EPN2: variants seen among roughly 807,000 people sequenced by gnomAD.
The protein encoded by EPN2 is epsin 2.
Under a neutral mutation model 61.7 loss-of-function variants are expected in EPN2, and 34 were observed. The observed-to-expected ratio is 0.55, with a 90% CI of 0.42 to 0.73. The LOEUF is 0.73. Ranked by LOEUF, EPN2 falls within the 30% of genes least tolerant of loss-of-function variation. The pLI, the probability that EPN2 is intolerant of heterozygous loss-of-function variation, is 0.00. For synonymous variants in EPN2, 349 were observed against 353.6 expected (o/e 0.99, Z 0.15); for missense variants, 714 against 839.2 (o/e 0.85, Z 1.84).
intron 1 of EPN2, among the ~76,000 whole-genome samples, chr17:19,260,490 G>A (rs559552260): frequency 6.7e-4 from 102 of 152,172 alleles, no homozygotes; most frequent in Non-Finnish European, 1.2e-3. Context: ...CTCTTACACG[G>A]GTTGGTGGCG....
Position 19,276,200 on chromosome 17 carries a change from G to A in EPN2, c.-293-5755G>A, listed in dbSNP as rs541909292. Among the ~76,000 whole-genome samples the A allele has an allele frequency of 1.5e-3, 234 of 151,818 alleles. 1 individual carries two copies. The highest frequency in any genetic ancestry group is 5.7e-3 in the Admixed American group (86 of 15,220). On this transcript the variant is annotated intron_variant, in intron 1 of 10. Coordinates refer to ENST00000314728, the MANE Select transcript of EPN2 (RefSeq NM_014964.5). The stretch of plus-strand genomic sequence containing the variant: ...GGCCATTCTGTGGGCCTGCTCAGCC[G>A]TTTTTTTGAGACAAAGTTGCTCTTT...
chr17:19,265,645 G>GCT lies in EPN2; in HGVS notation c.-293-16298_-293-16297dup, dbSNP rs370986218. Reference sequence around the variant, plus strand: ...TGCATTCTTGTCCCCATCTTCCTCTGCTCTCTCTCTCTCCCTTATGCCTCT... The same window carrying GCT: ...TGCATTCTTGTCCCCATCTTCCTCTGCTCTCTCTCTCTCTCCCTTATGCCTCT... On this transcript the variant is annotated intron_variant, in intron 1 of 10. Transcript: ENST00000314728. 4.5e-3 allele frequency among the ~76,000 whole-genome samples: 683 copies of GCT among 151,740 alleles called. 4 individuals are homozygous for GCT. Among genetic ancestry groups the GCT allele is most frequent in the African/African-American group, 0.01 (414 of 41,364 alleles).
rs567778553 is a variant in EPN2 at position 19,336,044 on chromosome 17, C to T, written c.*1790C>T. 1 of 152,322 alleles carries T rather than the reference C, an allele frequency of 6.6e-6. No homozygotes were observed. Among genetic ancestry groups the T allele is most frequent in the Non-Finnish European group, 1.5e-5 (1 of 68,158 alleles). The allele number at this position is 152,322 out of a possible 1,614,324, so 9.4% of individuals were successfully genotyped here. A position where few individuals can be genotyped will look rare whatever the true frequency, so the allele number is the denominator to read the frequency against. On this transcript the variant is annotated 3_prime_UTR_variant, in exon 11 of 11. Coordinates refer to ENST00000314728, the MANE Select transcript of EPN2 (RefSeq NM_014964.5). Reference sequence around the variant, plus strand: ...CCCTTCGCACCGGCACAGGAGAGATCTTAAATGGTCTCTGGGCTGCTGGGA... The same window carrying T: ...CCCTTCGCACCGGCACAGGAGAGATTTTAAATGGTCTCTGGGCTGCTGGGA...
chr17:19,258,277 A>C (rs1054323489), intron 1 of EPN2, among the ~76,000 whole-genome samples: 3 of 152,172 alleles, frequency 2.0e-5, no homozygotes, highest in Admixed American at 6.5e-5. Context: ...GGCTTCCAGA[A>C]TGGGGCAGAA....
At chr17:19,266,290 C>T (rs1187512904) in intron 1 of EPN2, among the ~76,000 whole-genome samples, 4 of 152,162 alleles carry the variant, frequency 2.6e-5, no homozygotes, top group Non-Finnish European at 4.4e-5. Flanking sequence ...AAAAGTTAAA[C>T]GTGTAGTTAC....
chr17:19,316,497 C>G (rs1906388898), intron 7 of EPN2, among the ~76,000 whole-genome samples: 1 of 152,256 alleles, frequency 6.6e-6, no homozygotes, highest in African/African-American at 2.4e-5. Context: ...TCACACCATC[C>G]TGGACTGCTG....
chr17:19,260,071 A>T (rs1410971132), intron 1 of EPN2, among the ~76,000 whole-genome samples: 1 of 152,194 alleles, frequency 6.6e-6, no homozygotes, highest in Non-Finnish European at 1.5e-5. Flanking sequence ...AGCTCTCTGC[A>T]GACAGGGACT....
At chr17:19,255,881 C>G (rs895994827) in intron 1 of EPN2, among the ~76,000 whole-genome samples, 1 of 152,014 alleles carries the variant, frequency 6.6e-6, no homozygotes, top group South Asian at 2.1e-4. Context: ...TCTCGGCCCC[C>G]CAAAGTGTTG....
intron 4 of EPN2, among the ~76,000 whole-genome samples, chr17:19,296,438 A>G (rs192322571): frequency 2.6e-5 from 4 of 152,160 alleles, no homozygotes; most frequent in Non-Finnish European, 5.9e-5. Flanking sequence ...GACGTGAGCC[A>G]CTGCGCCTGG....
chr17:19,304,875 A>G (rs1598010490), intron 4 of EPN2, among the ~76,000 whole-genome samples: 1 of 152,116 alleles, frequency 6.6e-6, no homozygotes, highest in Admixed American at 6.5e-5. Context: ...TTGGGCCCAC[A>G]TGGGGTCTTC....
At chr17:19,318,830 C>T (rs1028589766) in intron 7 of EPN2, among the ~76,000 whole-genome samples, 1 of 151,934 alleles carries the variant, frequency 6.6e-6, no homozygotes, top group Non-Finnish European at 1.5e-5. Context: ...GCTGCTGGCT[C>T]ATGGAGAGTG....
chr17:19,328,651 C>T (rs2095536888), intron 7 of EPN2, 60 bp from the exon 8 acceptor site: 2 of 1,470,614 alleles, frequency 1.4e-6, no homozygotes, highest in Non-Finnish European at 1.8e-6. Flanking sequence ...TTTCCCTTCT[C>T]ACCCCAGCTG....
chr17:19,246,243 A>G lies in EPN2; in HGVS notation c.-294+8712A>G, dbSNP rs1315504899. On this transcript the variant is annotated intron_variant, in intron 1 of 10. Coordinates refer to ENST00000314728, the MANE Select transcript of EPN2 (RefSeq NM_014964.5). ...CGTGGTGGCGCATGCCTGTAGTCCC[A>G]GCTACTTGGAAGGCTGAGGCAGGAG... is the stretch of plus-strand genomic sequence containing the variant. 3.9e-5 allele frequency among the ~76,000 whole-genome samples: 6 copies of G among 152,182 alleles called. No individual in the cohort carries two copies. The East Asian group carries it at 1.2e-3, about 29-fold the overall frequency.
chr17:19,278,953 TAGTG>T (rs1415777963), intron 1 of EPN2, among the ~76,000 whole-genome samples: 2 of 152,186 alleles, frequency 1.3e-5, no homozygotes, highest in Non-Finnish European at 2.9e-5. Context: ...GAGGATTTCT[TAGTG>T]AGGATTTCGA....
intron 1 of EPN2, 127 bp downstream of exon 1, chr17:19,237,658 C>T (rs1166217222): frequency 1.3e-5 from 2 of 152,324 alleles, no homozygotes; most frequent in Non-Finnish European, 2.9e-5. Context: ...CCAGGGCATG[C>T]GCCCCTGCCG....
intron 1 of EPN2, chr17:19,276,613 A>C (rs1030051623): frequency 1.3e-5 from 2 of 152,094 alleles, no homozygotes; most frequent in Admixed American, 1.3e-4. Context: ...AAATATTTCA[A>C]GTTTTGACAG....
At chr17:19,318,049 G>A (rs1906469646) in intron 7 of EPN2, among the ~76,000 whole-genome samples, 1 of 152,222 alleles carries the variant, frequency 6.6e-6, no homozygotes, top group Non-Finnish European at 1.5e-5. Flanking sequence ...TCTGAATTCA[G>A]CCCAGCAGTT....
intron 8 of EPN2, 168 bp from the exon 9 acceptor site, chr17:19,329,393 G>A: frequency 1.7e-6 from 1 of 576,214 alleles, no homozygotes; most frequent in Non-Finnish European, 3.1e-6. Context: ...GCGTGCTGGT[G>A]ACCCCAGGCT....
chr17:19,272,246 C>G (rs2045262204), intron 1 of EPN2, among the ~76,000 whole-genome samples: 1 of 152,184 alleles, frequency 6.6e-6, no homozygotes, highest in South Asian at 2.1e-4. Context: ...GAATCTCTGC[C>G]TAAGGGTCAC....
Sources: gnomAD v4.1 joint callset for allele counts (sites outside exome capture counted in the v4.1 genomes callset) on GRCh38, gnomAD v4.1.1 for gene constraint, MANE v1.5 for transcripts, NCBI Gene and HGNC (gene_info 2026-07-23, HGNC 2026-07-21) for gene names.